The following SLC9A9 variants were observed in gnomAD, a reference collection of about 807,000 sequenced individuals.
SLC9A9 encodes the protein sodium/hydrogen exchanger 9.
A neutral mutation model predicts 77.8 loss-of-function variants in SLC9A9; 62 were observed. That is an observed-to-expected ratio of 0.80 (90% CI 0.65 to 0.98). SLC9A9 has a LOEUF of 0.98. Among genes scored for constraint, SLC9A9 ranks in the 50% least tolerant of loss-of-function variants. SLC9A9 has a pLI of 0.00. For synonymous variants in SLC9A9, 320 were observed against 283.5 expected, an observed-to-expected ratio of 1.13 and a Z score of -1.29; for missense variants, 775 against 774.9, an observed-to-expected ratio of 1.00 and a Z score of 0.00.
At chr3:143,348,224 C>CCT (rs1482215581) in intron 14 of SLC9A9, among the ~76,000 whole-genome samples, 1 of 152,058 alleles carries the variant, frequency 6.6e-6, no homozygotes, top group African/African-American at 2.4e-5. Context: ...GTCTTGATCT[C>CCT]GACCTTGTGA....
intron 12 of SLC9A9, among the ~76,000 whole-genome samples, chr3:143,431,122 C>T (rs1345108413): frequency 7.4e-6 from 1 of 135,246 alleles, no homozygotes; most frequent in Non-Finnish European, 1.6e-5. Context: ...CCTGGTGGTA[C>T]TCAAGGCCTT....
At chr3:143,334,148 A>G (rs1056441519) in intron 14 of SLC9A9, among the ~76,000 whole-genome samples, 6 of 152,254 alleles carry the variant, frequency 3.9e-5, no homozygotes, top group South Asian at 2.1e-4. Context: ...AAAATCCAAA[A>G]TCCAATTTTG....
intron 4 of SLC9A9, among the ~76,000 whole-genome samples, chr3:143,762,661 A>C (rs1360562699): frequency 1.3e-5 from 2 of 152,142 alleles, no homozygotes; most frequent in Non-Finnish European, 2.9e-5. Flanking sequence ...TGCCAGAGCA[A>C]TTGATACACC....
chr3:143,605,021 C>G (rs1254922000), intron 6 of SLC9A9, among the ~76,000 whole-genome samples: 1 of 152,128 alleles, frequency 6.6e-6, no homozygotes, highest in Non-Finnish European at 1.5e-5. Flanking sequence ...CAACATGAAG[C>G]AGAAGTGAAA....
At chr3:143,536,969 G>T (rs909911579) in intron 9 of SLC9A9, among the ~76,000 whole-genome samples, 1 of 152,064 alleles carries the variant, frequency 6.6e-6, no homozygotes, top group Non-Finnish European at 1.5e-5. Context: ...AATTGCATCA[G>T]AATCTCTGGG....
intron 4 of SLC9A9, among the ~76,000 whole-genome samples, chr3:143,775,958 G>T (rs138072079): frequency 6.6e-6 from 1 of 152,334 alleles, no homozygotes; most frequent in East Asian, 1.9e-4. Context: ...CTACGTGGGT[G>T]TTAGTGGTTA....
chr3:143,550,670 A>G (rs905881077), intron 9 of SLC9A9, among the ~76,000 whole-genome samples: 6 of 152,180 alleles, frequency 3.9e-5, no homozygotes, highest in African/African-American at 1.4e-4. Flanking sequence ...AGCTGGTACA[A>G]GCTGATGCAC....
At chr3:143,456,636 C>T (rs1321009199) in intron 12 of SLC9A9, among the ~76,000 whole-genome samples, 13 of 151,538 alleles carry the variant, frequency 8.6e-5, no homozygotes, top group African/African-American at 3.2e-4. Context: ...ACAATATCGG[C>T]TCACTGCAAC....
intron 9 of SLC9A9, among the ~76,000 whole-genome samples, chr3:143,514,790 TG>T (rs1345163908): frequency 2.0e-5 from 3 of 152,280 alleles, no homozygotes. Flanking sequence ...ATGTTGTAGC[TG>T]GTTTTATCCT....
At chr3:143,436,332 C>A (rs748779814) in intron 12 of SLC9A9, among the ~76,000 whole-genome samples, 2 of 152,180 alleles carry the variant, frequency 1.3e-5, no homozygotes, top group Non-Finnish European at 2.9e-5. Flanking sequence ...CAGACGTTGA[C>A]GGTGAAAATT....
Position 143,792,183 on chromosome 3 carries a change from G to A in SLC9A9, c.533+2818C>T, listed in dbSNP as rs1474805983. ...AGTGCTTTTAAAAAGGGCATGATAC[G>A]TATCAAGCACTCCATAAATTGTTGT... On this transcript the variant is annotated intron_variant, in intron 4 of 15. Coordinates refer to ENST00000316549, the MANE Select transcript of SLC9A9 (RefSeq NM_173653.4). Among the ~76,000 whole-genome samples the A allele has an allele frequency of 2.6e-5, 4 of 152,122 alleles. No homozygotes were observed. The South Asian group carries it at 6.2e-4, about 24-fold the overall frequency.
intron 14 of SLC9A9, among the ~76,000 whole-genome samples, chr3:143,355,772 C>T (rs16853475): frequency 0.038 from 5,843 of 152,196 alleles, 182 homozygotes; most frequent in East Asian, 0.17. Context: ...ACGTGATAAG[C>T]GAGTGAATAA....
intron 5 of SLC9A9, among the ~76,000 whole-genome samples, chr3:143,667,403 T>A (rs1174071347): frequency 6.6e-6 from 1 of 152,186 alleles, no homozygotes; most frequent in Non-Finnish European, 1.5e-5. Context: ...GGCAATACCA[T>A]TCAGGACATA....
At chr3:143,627,599 C>A in intron 6 of SLC9A9, 1 of 318,964 alleles carries the variant, frequency 3.1e-6, no homozygotes, top group Non-Finnish European at 6.1e-6. Flanking sequence ...CTCTCACTAA[C>A]AAAATGAAAT....
intron 4 of SLC9A9, among the ~76,000 whole-genome samples, chr3:143,712,844 C>T (rs1934234137): frequency 6.6e-6 from 1 of 152,176 alleles, no homozygotes; most frequent in South Asian, 2.1e-4. Context: ...TCTAATTGCA[C>T]TACAGAAAAT....
chr3:143,403,335 T>C (rs2033904282), intron 12 of SLC9A9, among the ~76,000 whole-genome samples: 1 of 152,212 alleles, frequency 6.6e-6, no homozygotes, highest in South Asian at 2.1e-4. Flanking sequence ...TACATATCTT[T>C]ATATCCTATA....
At position 143,507,149 on chromosome 3, in the gene SLC9A9, A is replaced by G. The variant is rs532097600; in HGVS notation, c.1090-11701T>C. The stretch of plus-strand genomic sequence containing the variant: ...TGAGAGGAAGGTACAGAGATACCCC[A>G]TATACCTCCTATCCCGACACATGTA... On this transcript the variant is annotated intron_variant, in intron 9 of 15. Transcript: ENST00000316549. Among the ~76,000 whole-genome samples, 175 of 152,010 alleles carry G rather than the reference A, an allele frequency of 1.2e-3. 2 individuals are homozygous for G. The highest frequency in any genetic ancestry group is 3.0e-3 in the Admixed American group (46 of 15,270).
chr3:143,716,323 C>T (rs139919159), intron 4 of SLC9A9, among the ~76,000 whole-genome samples: 3,954 of 152,166 alleles, frequency 0.026, 162 homozygotes, highest in African/African-American at 0.089. Context: ...ATTCTCCCAC[C>T]TCAGCCTCCC....
intron 14 of SLC9A9, among the ~76,000 whole-genome samples, chr3:143,347,443 AT>A (rs1165718095): frequency 6.6e-6 from 1 of 152,220 alleles, no homozygotes; most frequent in Non-Finnish European, 1.5e-5. Context: ...ATGAAATTCT[AT>A]CTTCCCCCAA....
Sources: allele counts gnomAD v4.1 joint callset (sites outside exome capture counted in the v4.1 genomes callset), GRCh38; gene constraint gnomAD v4.1.1; transcripts MANE v1.5; gene names NCBI Gene and HGNC (gene_info 2026-07-23, HGNC 2026-07-21).